GABRG3: variants seen among roughly 807,000 people sequenced by gnomAD.
GABRG3 encodes gamma-aminobutyric acid receptor subunit gamma-3.
A neutral mutation model predicts 48.8 loss-of-function variants in GABRG3; 25 were observed. That is an observed-to-expected ratio of 0.51 (90% CI 0.37 to 0.72). The LOEUF is 0.72. Among genes scored for constraint, GABRG3 ranks in the 30% least tolerant of loss-of-function variants. The pLI, the probability that GABRG3 is intolerant of heterozygous loss-of-function variation, is 0.00. For synonymous variants in GABRG3, 227 were observed against 217.6 expected (o/e 1.04, Z -0.38); for missense variants, 394 against 577.9 (o/e 0.68, Z 3.26).
In GABRG3 at chr15:27,038,702, A is replaced by G. The variant is rs12102042; in HGVS notation, c.270+11881A>G. ...CTCTTGGGGCCTGGGGCACATGGGAACCATGCAGTGTGGCCTCTCAGGGGT... is the reference window on the plus strand; with the variant it reads ...CTCTTGGGGCCTGGGGCACATGGGAGCCATGCAGTGTGGCCTCTCAGGGGT... On this transcript the variant is annotated intron_variant, in intron 3 of 9. Coordinates refer to ENST00000615808, the MANE Select transcript of GABRG3 (RefSeq NM_033223.5). 4.6e-3 allele frequency among the ~76,000 whole-genome samples: 704 copies of G among 152,284 alleles called. 7 individuals carry two copies. Among genetic ancestry groups the G allele is most frequent in the African/African-American group, 0.016 (668 of 41,560 alleles).
At chr15:26,973,474 T>A (rs1375009622) in intron 1 of GABRG3, among the ~76,000 whole-genome samples, 2 of 152,216 alleles carry the variant, frequency 1.3e-5, no homozygotes, top group Non-Finnish European at 2.9e-5. Context: ...TTTACAGACA[T>A]GTGAAATAAT....
At chr15:27,442,227 C>CA (rs1888810909) in intron 5 of GABRG3, among the ~76,000 whole-genome samples, 1 of 152,174 alleles carries the variant, frequency 6.6e-6, no homozygotes, top group Admixed American at 6.5e-5. Flanking sequence ...TCCTACTCCC[C>CA]AGCCAGGCCC....
intron 5 of GABRG3, among the ~76,000 whole-genome samples, chr15:27,435,226 T>C (rs949970436): frequency 1.3e-5 from 2 of 149,954 alleles, no homozygotes; most frequent in African/African-American, 4.9e-5. Context: ...AATTATATTA[T>C]ACTATTTTAT....
chr15:27,194,005 A>C (rs1166824203), intron 3 of GABRG3, among the ~76,000 whole-genome samples: 1 of 152,124 alleles, frequency 6.6e-6, no homozygotes, highest in Admixed American at 6.5e-5. Flanking sequence ...TTGTTTTCAC[A>C]TGGATTACTT....
At chr15:27,510,078 A>G (rs1330718800) in intron 6 of GABRG3, among the ~76,000 whole-genome samples, 3 of 152,172 alleles carry the variant, frequency 2.0e-5, no homozygotes, top group Non-Finnish European at 4.4e-5. Flanking sequence ...GCTTGACTCC[A>G]GGTCCTGTGG....
At chr15:27,066,037 A>G (rs188705474) in intron 3 of GABRG3, among the ~76,000 whole-genome samples, 5 of 152,340 alleles carry the variant, frequency 3.3e-5, no homozygotes, top group Admixed American at 3.3e-4. Flanking sequence ...ATACTCCTAT[A>G]CTGTTGCTCA....
At chr15:27,064,427 C>T (rs1456234691) in intron 3 of GABRG3, among the ~76,000 whole-genome samples, 1 of 152,170 alleles carries the variant, frequency 6.6e-6, no homozygotes, top group Non-Finnish European at 1.5e-5. Flanking sequence ...GTCCATGAAT[C>T]TCACCCGTTC....
chr15:27,047,638 A>G (rs1445871153), intron 3 of GABRG3, among the ~76,000 whole-genome samples: 1 of 152,212 alleles, frequency 6.6e-6, no homozygotes, highest in Non-Finnish European at 1.5e-5. Flanking sequence ...TTTCAGATTT[A>G]TACCTTGCAA....
At chr15:27,456,801 G>T (rs1889296719) in intron 5 of GABRG3, among the ~76,000 whole-genome samples, 1 of 152,130 alleles carries the variant, frequency 6.6e-6, no homozygotes, top group Admixed American at 6.5e-5. Context: ...CTTGATCAGG[G>T]CCCCTCCCTA....
chr15:27,375,443 C>T (rs899554733), intron 5 of GABRG3, among the ~76,000 whole-genome samples: 1 of 152,166 alleles, frequency 6.6e-6, no homozygotes, highest in African/African-American at 2.4e-5. Context: ...CCCAGCAAAG[C>T]ATCAGACGGA....
intron 3 of GABRG3, among the ~76,000 whole-genome samples, chr15:27,045,689 GAGTTTCAATGTGCGCC>G (rs1896350806): frequency 6.6e-6 from 1 of 152,172 alleles, no homozygotes; most frequent in Non-Finnish European, 1.5e-5. Context: ...AGGATCCACT[GAGTTTCAATGTGCGCC>G]AGTTTGCACA....
chr15:27,484,686 C>T (rs986546558), intron 6 of GABRG3, among the ~76,000 whole-genome samples: 1 of 152,110 alleles, frequency 6.6e-6, no homozygotes, highest in Non-Finnish European at 1.5e-5. Context: ...ACAAGATGAG[C>T]CTAGAGAATC....
At chr15:27,246,715 A>G (rs981551629) in intron 3 of GABRG3, among the ~76,000 whole-genome samples, 2 of 152,218 alleles carry the variant, frequency 1.3e-5, no homozygotes, top group Non-Finnish European at 1.5e-5. Flanking sequence ...AAATAACCAC[A>G]GACCTATTTG....
chr15:27,390,817 G>A (rs113063484), intron 5 of GABRG3, among the ~76,000 whole-genome samples: 2 of 152,130 alleles, frequency 1.3e-5, no homozygotes, highest in Non-Finnish European at 2.9e-5. Flanking sequence ...GGCCGGGCAC[G>A]GTGGCTCATG....
chr15:27,276,344 G>A (rs1453047909), intron 3 of GABRG3, among the ~76,000 whole-genome samples: 1 of 152,214 alleles, frequency 6.6e-6, no homozygotes, highest in East Asian at 1.9e-4. Flanking sequence ...TCCCGAATAT[G>A]CTGTGCCAAT....
chr15:27,085,461 T>C (rs531224275), intron 3 of GABRG3, among the ~76,000 whole-genome samples: 2 of 152,330 alleles, frequency 1.3e-5, no homozygotes, highest in African/African-American at 4.8e-5. Context: ...CTCTGGGATA[T>C]GTGCCTAGAA....
chr15:27,152,919 G>A (rs1406991888), intron 3 of GABRG3, among the ~76,000 whole-genome samples: 1 of 148,392 alleles, frequency 6.7e-6, no homozygotes, highest in Non-Finnish European at 1.5e-5. Context: ...GGAGTGCAGT[G>A]GCGCGATCTC....
At chr15:27,001,560 T>C (rs1201620523) in intron 2 of GABRG3, among the ~76,000 whole-genome samples, 4 of 152,240 alleles carry the variant, frequency 2.6e-5, no homozygotes, top group Non-Finnish European at 5.9e-5. Flanking sequence ...ACTTCTTAGA[T>C]TGGGAGTAGC....
At chr15:27,006,924 G>A (rs992214800) in intron 2 of GABRG3, among the ~76,000 whole-genome samples, 3 of 151,260 alleles carry the variant, frequency 2.0e-5, no homozygotes, top group Non-Finnish European at 4.4e-5. Context: ...CTGCAGCCTC[G>A]AACTCCTGGG....
Sources: allele counts gnomAD v4.1 joint callset (sites outside exome capture counted in the v4.1 genomes callset), GRCh38; gene constraint gnomAD v4.1.1; transcripts MANE v1.5; gene names NCBI Gene and HGNC (gene_info 2026-07-23, HGNC 2026-07-21).